The following DENND1A variants were observed in gnomAD, a reference collection of about 807,000 sequenced individuals.
DENND1A encodes DENN domain-containing protein 1A.
In DENND1A, 51 loss-of-function variants were observed where a neutral mutation model predicts 113.7. The ratio of observed to expected loss-of-function variants is 0.45; its 90% confidence interval spans 0.36 to 0.57. The LOEUF is 0.57. Among genes scored for constraint, DENND1A ranks in the 20% least tolerant of loss-of-function variants. The pLI, the probability that DENND1A is intolerant of heterozygous loss-of-function variation, is 0.00. For missense variants in DENND1A, 1,258 were observed against 1,395.9 expected, an observed-to-expected ratio of 0.90 and a Z score of 1.57; for synonymous variants, 565 against 570.8, an observed-to-expected ratio of 0.99 and a Z score of 0.14.
At chr9:123,634,760 T>A (rs1355903644) in intron 9 of DENND1A, among the ~76,000 whole-genome samples, 1 of 152,144 alleles carries the variant, frequency 6.6e-6, no homozygotes, top group Non-Finnish European at 1.5e-5. Context: ...CAGAAGCCAA[T>A]TATCAATCTC....
intron 18 of DENND1A, among the ~76,000 whole-genome samples, chr9:123,447,847 C>T (rs1219780968): frequency 2.6e-5 from 4 of 151,786 alleles, no homozygotes; most frequent in Admixed American, 6.6e-5. Flanking sequence ...TCAGGTGCAG[C>T]CAAATCCTAA....
At chr9:123,587,453 C>A (rs1411851227) in intron 11 of DENND1A, among the ~76,000 whole-genome samples, 1 of 152,186 alleles carries the variant, frequency 6.6e-6, no homozygotes, top group Non-Finnish European at 1.5e-5. Context: ...AGCTAGACAA[C>A]CAGTTAGACC....
chr9:123,496,618 G>A (rs1226758714), intron 13 of DENND1A, among the ~76,000 whole-genome samples: 1 of 152,190 alleles, frequency 6.6e-6, no homozygotes, highest in Non-Finnish European at 1.5e-5. Flanking sequence ...GGACTGGGAA[G>A]GCAGAAATGA....
intron 21 of DENND1A, among the ~76,000 whole-genome samples, chr9:123,398,969 T>G (rs2043284915): frequency 1.3e-5 from 2 of 151,460 alleles, no homozygotes; most frequent in African/African-American, 4.9e-5. Flanking sequence ...TAATTTTTTG[T>G]GTTTTTAGTA....
chr9:123,433,167 A>G (rs1399206977), intron 19 of DENND1A, among the ~76,000 whole-genome samples: 5 of 152,144 alleles, frequency 3.3e-5, no homozygotes. Context: ...TCCTTATAGC[A>G]ACCTATGACG....
intron 5 of DENND1A, among the ~76,000 whole-genome samples, chr9:123,740,488 C>A (rs2068915956): frequency 6.6e-6 from 1 of 152,044 alleles, no homozygotes; most frequent in Admixed American, 6.6e-5. Context: ...CCTGAATGAG[C>A]AAGGAGATCT....
chr9:123,888,951 TTAAACTGTG>T (rs1177261942), intron 1 of DENND1A, among the ~76,000 whole-genome samples: 2 of 145,138 alleles, frequency 1.4e-5, no homozygotes, highest in Non-Finnish European at 3.0e-5. Flanking sequence ...ATACCGTGCT[TTAAACTGTG>T]TGTGTGTGTG....
chr9:123,548,459 C>A (rs1291026668), intron 13 of DENND1A, among the ~76,000 whole-genome samples: 3 of 152,228 alleles, frequency 2.0e-5, no homozygotes, highest in Non-Finnish European at 4.4e-5. Context: ...CCCACAGACA[C>A]TGCTACCCAC....
chr9:123,654,814 CGGGTGGGAGT>C (rs966896325), intron 8 of DENND1A, among the ~76,000 whole-genome samples: 2 of 152,172 alleles, frequency 1.3e-5, no homozygotes, highest in South Asian at 2.1e-4. Context: ...CCCGCCTGAG[CGGGTGGGAGT>C]GGGTGGGAGT....
intron 12 of DENND1A, among the ~76,000 whole-genome samples, chr9:123,580,951 C>A (rs887647711): frequency 3.3e-5 from 5 of 152,158 alleles, no homozygotes; most frequent in Non-Finnish European, 5.9e-5. Flanking sequence ...GGATTTCAGG[C>A]AAGGCACGTG....
chr9:123,891,838 A>G (rs932935061), intron 1 of DENND1A, among the ~76,000 whole-genome samples: 2 of 152,206 alleles, frequency 1.3e-5, no homozygotes, highest in African/African-American at 4.8e-5. Context: ...GTTTTTCAAG[A>G]GACTGGAGAA....
intron 1 of DENND1A, among the ~76,000 whole-genome samples, chr9:123,900,248 C>T (rs530362660): frequency 6.6e-6 from 1 of 152,232 alleles, no homozygotes; most frequent in East Asian, 1.9e-4. Flanking sequence ...GAACGAAACC[C>T]AGTCAACACC....
chr9:123,690,874 G>A (rs927996751), intron 5 of DENND1A, among the ~76,000 whole-genome samples: 16 of 152,298 alleles, frequency 1.1e-4, no homozygotes, highest in Middle Eastern at 3.4e-3. Context: ...TGGATGAAGC[G>A]GAAGTTTGTA....
chr9:123,558,466 C>A (rs563260614), intron 12 of DENND1A, among the ~76,000 whole-genome samples: 2 of 152,086 alleles, frequency 1.3e-5, no homozygotes, highest in African/African-American at 4.8e-5. Context: ...CAAAGAAGCA[C>A]GTAATACATT....
At chr9:123,811,952 G>A (rs928342324) in intron 2 of DENND1A, among the ~76,000 whole-genome samples, 2 of 152,092 alleles carry the variant, frequency 1.3e-5, no homozygotes, top group African/African-American at 4.8e-5. Context: ...GCATCATTAG[G>A]CAATGTTGTC....
intron 20 of DENND1A, among the ~76,000 whole-genome samples, chr9:123,409,194 A>G (rs939191969): frequency 1.3e-5 from 2 of 152,094 alleles, no homozygotes; most frequent in Non-Finnish European, 2.9e-5. Flanking sequence ...ATGAATATTA[A>G]TTCTCTTCTC....
intron 6 of DENND1A, among the ~76,000 whole-genome samples, chr9:123,673,559 G>C (rs950196531): frequency 6.6e-6 from 1 of 152,172 alleles, no homozygotes; most frequent in Non-Finnish European, 1.5e-5. Flanking sequence ...CTTTTAGTGG[G>C]CAATGGTATT....
intron 13 of DENND1A, chr9:123,485,656 G>GCGTGCGCGCA (rs765633751): frequency 7.1e-6 from 1 of 141,156 alleles, no homozygotes; most frequent in Non-Finnish European, 1.5e-5. Context: ...GCGCGCGCGC[G>GCGTGCGCGCA]CACACACACA....
chr9:123,661,928 T>C (rs1214904249), intron 8 of DENND1A, among the ~76,000 whole-genome samples: 2 of 152,008 alleles, frequency 1.3e-5, no homozygotes, highest in Non-Finnish European at 2.9e-5. Context: ...TAACATTCTA[T>C]CATAGAGGCC....
Sources: allele counts gnomAD v4.1 joint callset (sites outside exome capture counted in the v4.1 genomes callset), GRCh38; gene constraint gnomAD v4.1.1; transcripts MANE v1.5; gene names NCBI Gene and HGNC (gene_info 2026-07-23, HGNC 2026-07-21).